Variants in TEX36 observed in about 807,000 individuals in gnomAD.
The protein encoded by TEX36 is testis expressed 36, also known as testis-expressed protein 36.
A neutral mutation model predicts 13.6 loss-of-function variants in TEX36; 12 were observed. The observed-to-expected ratio is 0.88, with a 90% confidence interval of 0.56 to 1.43. The LOEUF (loss-of-function observed/expected upper bound fraction) is 1.43. TEX36 is among the 40% of genes most tolerant of loss of function. The pLI is 0.00. For missense variants in TEX36, 224 were observed against 228.3 expected (o/e 0.98, Z 0.12); for synonymous variants, 93 against 83.0 (o/e 1.12, Z -0.65).
downstream of TEX36, among the ~76,000 whole-genome samples, chr10:125,652,423 T>C (rs547515513): frequency 3.9e-5 from 6 of 152,300 alleles, no homozygotes; most frequent in Admixed American, 1.3e-4. Flanking sequence ...ATAGGAAAAC[T>C]GGCTAGCCAT....
intron 3 of TEX36, among the ~76,000 whole-genome samples, chr10:125,584,682 T>TC (rs1343273971): frequency 3.9e-5 from 6 of 152,156 alleles, no homozygotes; most frequent in African/African-American, 1.4e-4. Context: ...TTTCTCTCTC[T>TC]CTCCTCCTCC....
intron 3 of TEX36, among the ~76,000 whole-genome samples, chr10:125,598,075 T>C (rs967621946): frequency 1.3e-5 from 2 of 151,748 alleles, no homozygotes; most frequent in African/African-American, 2.4e-5. Context: ...AGGGTGGGAG[T>C]GGCAGGCCCC....
At chr10:125,629,988 T>C (rs540047946) in intron 3 of TEX36, among the ~76,000 whole-genome samples, 2 of 152,316 alleles carry the variant, frequency 1.3e-5, no homozygotes, top group Admixed American at 6.5e-5. Context: ...GATCACATAC[T>C]ATGCATTTTT....
intron 3 of TEX36, among the ~76,000 whole-genome samples, chr10:125,644,722 T>C (rs1285989957): frequency 6.6e-6 from 1 of 152,226 alleles, no homozygotes. Context: ...CCTGTGAATA[T>C]GATGCTGTGT....
At chr10:125,590,832 T>C (rs1381593874) in intron 3 of TEX36, among the ~76,000 whole-genome samples, 1 of 152,204 alleles carries the variant, frequency 6.6e-6, no homozygotes, top group Non-Finnish European at 1.5e-5. Context: ...AGAGATTCTA[T>C]ATATAGATAT....
chr10:125,649,565 C>G (rs918057419), intron 3 of TEX36, among the ~76,000 whole-genome samples: 1 of 152,168 alleles, frequency 6.6e-6, no homozygotes, highest in Non-Finnish European at 1.5e-5. Flanking sequence ...CTGTAAAGAC[C>G]ATCAATGCTA....
intron 3 of TEX36, among the ~76,000 whole-genome samples, chr10:125,600,335 T>C (rs907813160): frequency 6.6e-6 from 1 of 151,358 alleles, no homozygotes; most frequent in Non-Finnish European, 1.5e-5. Flanking sequence ...ACTGGGGAGC[T>C]AGGGAGGGAA....
At chr10:125,682,041 A>G (rs1260496712) in intron 1 of TEX36, among the ~76,000 whole-genome samples, 1 of 152,210 alleles carries the variant, frequency 6.6e-6, no homozygotes. Flanking sequence ...TGCTACCCTA[A>G]AAGAAGTCGA....
At chr10:125,682,713 C>T (rs74973099) in intron 1 of TEX36, among the ~76,000 whole-genome samples, 2,077 of 152,268 alleles carry the variant, frequency 0.014, 47 homozygotes, top group African/African-American at 0.046. Context: ...TGGACATTCA[C>T]GAGGTTCCAG....
intron 1 of TEX36, among the ~76,000 whole-genome samples, chr10:125,682,596 T>A (rs538209980): frequency 1.5e-4 from 23 of 152,292 alleles, no homozygotes; most frequent in African/African-American, 5.5e-4. Flanking sequence ...GAGCTTATAT[T>A]CTAGCAAGGG....
intron 3 of TEX36, among the ~76,000 whole-genome samples, chr10:125,637,850 C>T (rs1175716450): frequency 1.3e-5 from 2 of 152,082 alleles, no homozygotes; most frequent in African/African-American, 4.8e-5. Context: ...TCATTTTCTC[C>T]TGCCCCCACT....
intron 3 of TEX36, among the ~76,000 whole-genome samples, chr10:125,600,619 CAAGT>C (rs1157064071): frequency 6.6e-6 from 1 of 152,192 alleles, no homozygotes; most frequent in Non-Finnish European, 1.5e-5. Flanking sequence ...CCACCGCAGT[CAAGT>C]CACTTGCTGA....
intron 3 of TEX36, among the ~76,000 whole-genome samples, chr10:125,597,020 A>G (rs141804324): frequency 7.1e-4 from 108 of 152,368 alleles, no homozygotes; most frequent in African/African-American, 2.6e-3. Flanking sequence ...TTGCTAGAAC[A>G]GCTGGCACCT....
chr10:125,627,512 C>T (rs888492052), intron 3 of TEX36, among the ~76,000 whole-genome samples: 2 of 152,124 alleles, frequency 1.3e-5, no homozygotes, highest in East Asian at 1.9e-4. Context: ...GAAAGCATGT[C>T]TTTAATTTAA....
At chr10:125,598,845 G>A (rs1348329459) in intron 3 of TEX36, among the ~76,000 whole-genome samples, 2 of 152,148 alleles carry the variant, frequency 1.3e-5, no homozygotes, top group Non-Finnish European at 2.9e-5. Flanking sequence ...ACATTGAGCT[G>A]TCTTGAAAAT....
downstream of TEX36, among the ~76,000 whole-genome samples, chr10:125,652,118 T>G (rs1846869672): frequency 6.6e-6 from 1 of 152,204 alleles, no homozygotes; most frequent in Non-Finnish European, 1.5e-5. Context: ...CCAATGACTT[T>G]CTTCACAGAA....
chr10:125,599,834 G>A (rs928949763), intron 3 of TEX36, among the ~76,000 whole-genome samples: 11 of 152,270 alleles, frequency 7.2e-5, no homozygotes, highest in East Asian at 3.9e-4. Flanking sequence ...TTACCCATCC[G>A]TAAATGTGAG....
chr10:125,597,388 C>T lies in TEX36; in HGVS notation c.265-20514G>A, dbSNP rs557066312. ...GCATTTGCAGCAAGAGAAAGTGAGG[C>T]ATTTATTACAGGGTGCTGAGCAAAG... is the stretch of plus-strand genomic sequence containing the variant. On this transcript the variant is annotated intron_variant, in intron 3 of 3. Coordinates refer to the TEX36 transcript ENST00000532135. Among the ~76,000 whole-genome samples, 6 of 152,296 alleles carry T rather than the reference C, an allele frequency of 3.9e-5. No individual in the cohort carries two copies. In the East Asian group the frequency reaches 7.7e-4, roughly 20 times the overall value.
At position 125,677,670 on chromosome 10, in the gene TEX36, T is replaced by C. The variant is rs535956823; in HGVS notation, c.51+5269A>G. Reference sequence around the variant, plus strand: ...TCTCTTGTATCTCACTGAGCTTCTTTAAAATGAATTTTTTTTTCTTTTTTC... The same window carrying C: ...TCTCTTGTATCTCACTGAGCTTCTTCAAAATGAATTTTTTTTTCTTTTTTC... On this transcript the variant is annotated intron_variant, in intron 1 of 3. Transcript: ENST00000368821. Among the ~76,000 whole-genome samples the C allele has an allele frequency of 3.9e-5, 6 of 152,294 alleles. No individual in the cohort carries two copies. The East Asian group carries it at 1.2e-3, about 29-fold the overall frequency.
Sources: allele counts gnomAD v4.1 joint callset (sites outside exome capture counted in the v4.1 genomes callset), GRCh38; gene constraint gnomAD v4.1.1; transcripts MANE v1.5; gene names NCBI Gene and HGNC (gene_info 2026-07-23, HGNC 2026-07-21).